Variants in PCDHGA5 observed in about 807,000 individuals in gnomAD.
PCDHGA5 encodes the protein protocadherin gamma subfamily A, 5, also known as protocadherin gamma-A5.
PCDHGA5 carries 36 observed loss-of-function variants against 56.7 expected under a neutral mutation model. That is an observed-to-expected ratio of 0.64 (90% confidence interval 0.49 to 0.84). The LOEUF (loss-of-function observed/expected upper bound fraction) is 0.84. Among genes scored for constraint, PCDHGA5 ranks in the 40% least tolerant of loss-of-function variants. PCDHGA5 has a pLI of 0.00. For missense variants in PCDHGA5, 1,305 were observed against 1,201.5 expected (o/e 1.09, Z -1.27); for synonymous variants, 563 against 520.2 (o/e 1.08, Z -1.12).
At chr5:141,376,160 C>G in intron 1 of PCDHGA5, 1 of 1,614,010 alleles carries the variant, frequency 6.2e-7, no homozygotes, top group South Asian at 1.1e-5. Context: ...CACTCTGTAC[C>G]TGGTGGTGGC....
In PCDHGA5 at chr5:141,489,561, G is replaced by A. The variant is rs1750812409; in HGVS notation, c.2422-5246G>A. 6.2e-7 allele frequency: 1 copy of A among 1,614,106 alleles called. No homozygotes were observed. Among genetic ancestry groups the A allele is most frequent in the Non-Finnish European group, 8.5e-7 (1 of 1,180,026 alleles). On this transcript the variant is annotated intron_variant, in intron 1 of 3. Coordinates refer to ENST00000518069, the MANE Select transcript of PCDHGA5 (RefSeq NM_018918.3). The surrounding 1 kb of genome is among the most constrained non-coding windows in gnomAD (Gnocchi z 4.5). Reference sequence around the variant, plus strand: ...GCACCAGCTGCCTGCTGCCAGTGCAGGTGGTGACTGAACACCCCCTGGAGC... The same window carrying A: ...GCACCAGCTGCCTGCTGCCAGTGCAAGTGGTGACTGAACACCCCCTGGAGC...
At chr5:141,374,094 C>T (rs544125570) in intron 1 of PCDHGA5, 19 of 1,555,744 alleles carry the variant, frequency 1.2e-5, no homozygotes, top group Non-Finnish European at 1.7e-5. Flanking sequence ...ATGGCGCCTC[C>T]GCAGAGGCAT....
chr5:141,491,493 G>A lies in PCDHGA5; in HGVS notation c.2422-3314G>A, dbSNP rs1008591563. On this transcript the variant is annotated intron_variant, in intron 1 of 3. Transcript: ENST00000518069. This position sits in a 1 kb window ranked among gnomAD's most constrained non-coding sequence, Gnocchi z 6.9. ...AGCAGTCCAGCCCCAACCTGCAGGT[G>A]AGCTCGGACGGCACGCTCAAGTACA... 6.2e-7 allele frequency: 1 copy of A among 1,614,000 alleles called. No homozygotes were observed. Among genetic ancestry groups the A allele is most frequent in the African/African-American group, 1.3e-5 (1 of 74,928 alleles).
At chr5:141,442,664 G>A (rs1289986124) in intron 1 of PCDHGA5, among the ~76,000 whole-genome samples, 2 of 152,342 alleles carry the variant, frequency 1.3e-5, no homozygotes, top group East Asian at 1.9e-4. Flanking sequence ...TATTTGGCAT[G>A]GTGAGCTTGA....
chr5:141,391,560 T>C (rs981712066), intron 1 of PCDHGA5: 2 of 152,242 alleles, frequency 1.3e-5, no homozygotes, highest in African/African-American at 4.8e-5. Context: ...GTTTTCCATA[T>C]GCATAAGAAA....
rs763160633 is a variant in PCDHGA5 at position 141,418,261 on chromosome 5, G to A, written c.2421+51510G>A. 3 of 1,614,056 alleles carry A rather than the reference G, an allele frequency of 1.9e-6. No homozygotes were observed. In the South Asian group the frequency reaches 3.3e-5, roughly 18 times the overall value. Reference sequence around the variant, plus strand: ...TTAATGACCACGCCCCTCAATTCCGGAAAGATGAAATAAACTTAGAAATCA... The same window carrying A: ...TTAATGACCACGCCCCTCAATTCCGAAAAGATGAAATAAACTTAGAAATCA... On this transcript the variant is annotated intron_variant, in intron 1 of 3. Coordinates refer to ENST00000518069, the MANE Select transcript of PCDHGA5 (RefSeq NM_018918.3).
intron 1 of PCDHGA5, among the ~76,000 whole-genome samples, chr5:141,459,838 A>C (rs944807247): frequency 1.3e-5 from 2 of 152,098 alleles, no homozygotes; most frequent in African/African-American, 4.8e-5. Context: ...TGTGTTGTCT[A>C]TTTGTATATC....
intron 1 of PCDHGA5, chr5:141,379,577 A>G (rs949228726): frequency 6.6e-6 from 1 of 152,178 alleles, no homozygotes; most frequent in African/African-American, 2.4e-5. Flanking sequence ...AGGCTGGTTT[A>G]TTTTATTCTC....
In PCDHGA5 at chr5:141,423,089, G is replaced by C. The variant is rs201821221; in HGVS notation, c.2421+56338G>C. The stretch of plus-strand genomic sequence containing the variant: ...AGCGAGCCGGGACTCTTCGCGGTGG[G>C]GGAGCACACGGGCGAGGTGCGTACA... On this transcript the variant is annotated intron_variant, in intron 1 of 3. Transcript: ENST00000518069. 4.0e-5 allele frequency: 65 copies of C among 1,614,016 alleles called. No individual in the cohort carries two copies. In the African/African-American group the frequency reaches 7.2e-4, roughly 18 times the overall value.
chr5:141,469,376 A>T (rs572466149), intron 1 of PCDHGA5, among the ~76,000 whole-genome samples: 1 of 152,232 alleles, frequency 6.6e-6, no homozygotes, highest in East Asian at 1.9e-4. Flanking sequence ...AGAGATCGAG[A>T]CCATCCTGGC....
intron 1 of PCDHGA5, chr5:141,372,195 A>T: frequency 4.3e-6 from 7 of 1,613,560 alleles, no homozygotes; most frequent in Non-Finnish European, 5.9e-6. Flanking sequence ...CTCGGGATAC[A>T]ACGCCTGGCT....
At chr5:141,498,581 C>A (rs1281809549) in intron 2 of PCDHGA5, among the ~76,000 whole-genome samples, 1 of 152,104 alleles carries the variant, frequency 6.6e-6, no homozygotes, top group East Asian at 1.9e-4. Flanking sequence ...GTATTGAGTT[C>A]TTCAGTAAAC....
At chr5:141,438,720 G>A (rs1393152221) in intron 1 of PCDHGA5, among the ~76,000 whole-genome samples, 1 of 147,892 alleles carries the variant, frequency 6.8e-6, no homozygotes, top group Non-Finnish European at 1.5e-5. Flanking sequence ...GAGTGCAAGT[G>A]GTGTGATCTC....
At chr5:141,475,161 A>G (rs1433985907) in intron 1 of PCDHGA5, among the ~76,000 whole-genome samples, 1 of 152,138 alleles carries the variant, frequency 6.6e-6, no homozygotes, top group Non-Finnish European at 1.5e-5. Context: ...CTTCTTCATT[A>G]GCAGTGCAAC....
intron 1 of PCDHGA5, chr5:141,373,939 G>A: frequency 2.8e-6 from 2 of 714,100 alleles, no homozygotes; most frequent in Non-Finnish European, 2.1e-6. Flanking sequence ...AAGCAGGAAA[G>A]CTGTGCAGAA....
At chr5:141,395,494 T>G in intron 1 of PCDHGA5, 3 of 484,122 alleles carry the variant, frequency 6.2e-6, no homozygotes, top group Middle Eastern at 5.6e-4. Context: ...TTATCACTCA[T>G]TCACTTAAGA....
intron 1 of PCDHGA5, chr5:141,441,038 G>A (rs1263659082): frequency 6.6e-6 from 1 of 152,156 alleles, no homozygotes; most frequent in African/African-American, 2.4e-5. Context: ...AAAACTTTAA[G>A]TACATTGGAC....
At chr5:141,500,840 C>T (rs1394248251) in intron 2 of PCDHGA5, among the ~76,000 whole-genome samples, 1 of 151,966 alleles carries the variant, frequency 6.6e-6, no homozygotes, top group Non-Finnish European at 1.5e-5. Flanking sequence ...TGCTAATGGG[C>T]TTTTGCTACA....
chr5:141,436,240 G>A (rs192988618), intron 1 of PCDHGA5, among the ~76,000 whole-genome samples: 2 of 152,200 alleles, frequency 1.3e-5, no homozygotes, highest in East Asian at 3.9e-4. Flanking sequence ...AGCTAACATG[G>A]TCTAATTATT....
Sources: allele counts gnomAD v4.1 joint callset (sites outside exome capture counted in the v4.1 genomes callset), GRCh38; gene constraint gnomAD v4.1.1; non-coding constraint Gnocchi (gnomAD v3.1); transcripts MANE v1.5; gene names NCBI Gene and HGNC (gene_info 2026-07-23, HGNC 2026-07-21).